Variants in SLC16A10 observed in about 807,000 individuals in gnomAD.
SLC16A10 encodes the protein solute carrier family 16 member 10.
A neutral mutation model predicts 40.0 loss-of-function variants in SLC16A10; 27 were observed. The ratio of observed to expected loss-of-function variants is 0.67; its 90% CI spans 0.50 to 0.93. The LOEUF is 0.93. Among genes scored for constraint, SLC16A10 ranks in the 40% least tolerant of loss-of-function variants. The pLI is 0.00. For missense variants in SLC16A10, 529 were observed against 658.2 expected, an observed-to-expected ratio of 0.80 and a Z score of 2.15; for synonymous variants, 213 against 249.8, an observed-to-expected ratio of 0.85 and a Z score of 1.39.
At chr6:111,159,044 G>A (rs1300577405) in intron 1 of SLC16A10, among the ~76,000 whole-genome samples, 1 of 135,536 alleles carries the variant, frequency 7.4e-6, no homozygotes, top group African/African-American at 2.9e-5. Context: ...CTCCAGTCTA[G>A]GTGGCAAAGC....
chr6:111,220,882 G>A (rs958531551), intron 5 of SLC16A10, among the ~76,000 whole-genome samples: 2 of 152,242 alleles, frequency 1.3e-5, no homozygotes, highest in African/African-American at 4.8e-5. Context: ...GGCTCACCAG[G>A]AGGCTCTGAG....
intron 1 of SLC16A10, among the ~76,000 whole-genome samples, chr6:111,101,196 A>G (rs559203509): frequency 2.5e-4 from 38 of 151,592 alleles, no homozygotes; most frequent in African/African-American, 9.2e-4. Flanking sequence ...ACACGTAACT[A>G]ATTTTTGTAT....
intron 4 of SLC16A10, among the ~76,000 whole-genome samples, chr6:111,214,318 G>T (rs1237527501): frequency 6.6e-6 from 1 of 152,196 alleles, no homozygotes; most frequent in East Asian, 1.9e-4. Context: ...GAGCTGCTGT[G>T]TTTGAGAGCA....
At chr6:111,178,532 G>A (rs911119769) in intron 3 of SLC16A10, 3 of 449,968 alleles carry the variant, frequency 6.7e-6, no homozygotes, top group African/African-American at 4.2e-5. Flanking sequence ...GCAACATAAG[G>A]AGACTTCATC....
intron 1 of SLC16A10, among the ~76,000 whole-genome samples, chr6:111,139,004 T>C (rs1004926092): frequency 6.6e-6 from 1 of 151,894 alleles, no homozygotes; most frequent in African/African-American, 2.4e-5. Flanking sequence ...ATGGTGTCCA[T>C]CAGGCTCACA....
At chr6:111,125,050 C>T (rs1771650920) in intron 1 of SLC16A10, among the ~76,000 whole-genome samples, 1 of 152,130 alleles carries the variant, frequency 6.6e-6, no homozygotes, top group Non-Finnish European at 1.5e-5. Context: ...CGGTGAAATA[C>T]AACTAGGAAA....
At chr6:111,215,077 C>A (rs1773399365) in intron 4 of SLC16A10, among the ~76,000 whole-genome samples, 1 of 151,630 alleles carries the variant, frequency 6.6e-6, no homozygotes, top group South Asian at 2.1e-4. Flanking sequence ...CGAGATCGCG[C>A]CACTGCACTC....
At chr6:111,150,947 A>G (rs762513274) in intron 1 of SLC16A10, among the ~76,000 whole-genome samples, 16 of 152,184 alleles carry the variant, frequency 1.1e-4, no homozygotes, top group Non-Finnish European at 2.1e-4. Flanking sequence ...TTTGAAATTT[A>G]TAACATCTAA....
chr6:111,190,060 C>G (rs939301985), intron 3 of SLC16A10, among the ~76,000 whole-genome samples: 1 of 152,180 alleles, frequency 6.6e-6, no homozygotes, highest in Non-Finnish European at 1.5e-5. Context: ...TCTGTGAAAT[C>G]GAAAGCAAGT....
At chr6:111,127,462 A>G (rs1771695950) in intron 1 of SLC16A10, among the ~76,000 whole-genome samples, 1 of 152,208 alleles carries the variant, frequency 6.6e-6, no homozygotes, top group African/African-American at 2.4e-5. Flanking sequence ...TTTGTAGGCC[A>G]GGGTAAAGAG....
intron 3 of SLC16A10, among the ~76,000 whole-genome samples, chr6:111,191,195 G>T (rs1284903597): frequency 2.0e-5 from 3 of 151,994 alleles, no homozygotes; most frequent in Non-Finnish European, 4.4e-5. Flanking sequence ...ACCAGCCCTG[G>T]AATGTGATGT....
At chr6:111,155,588 G>C (rs1353843211) in intron 1 of SLC16A10, among the ~76,000 whole-genome samples, 2 of 152,070 alleles carry the variant, frequency 1.3e-5, no homozygotes. Flanking sequence ...AACTTTCTGA[G>C]GTGAAAAGTA....
chr6:111,212,887 A>C (rs1163991468), intron 4 of SLC16A10, among the ~76,000 whole-genome samples: 1 of 152,180 alleles, frequency 6.6e-6, no homozygotes, highest in African/African-American at 2.4e-5. Flanking sequence ...AATAATGGTT[A>C]AAGAAAAGCT....
At chr6:111,105,570 A>G (rs1377468274) in intron 1 of SLC16A10, among the ~76,000 whole-genome samples, 4 of 152,180 alleles carry the variant, frequency 2.6e-5, no homozygotes, top group South Asian at 2.1e-4. Context: ...AGTCAGTCCT[A>G]ATTGAGATAA....
intron 3 of SLC16A10, among the ~76,000 whole-genome samples, chr6:111,198,781 G>T (rs1773120003): frequency 1.3e-5 from 2 of 152,108 alleles, no homozygotes; most frequent in South Asian, 4.1e-4. Flanking sequence ...CTGTTCATTT[G>T]CATGCACATT....
At chr6:111,170,145 A>C (rs1282272884) in intron 1 of SLC16A10, among the ~76,000 whole-genome samples, 1 of 151,616 alleles carries the variant, frequency 6.6e-6, no homozygotes, top group Non-Finnish European at 1.5e-5. Context: ...CTTGATCCTG[A>C]CCTCAGGTGA....
At chr6:111,186,845 A>C (rs1772906435) in intron 3 of SLC16A10, among the ~76,000 whole-genome samples, 1 of 152,074 alleles carries the variant, frequency 6.6e-6, no homozygotes, top group Middle Eastern at 3.2e-3. Context: ...GCTTACTTGT[A>C]ATTAGAAAGT....
intron 4 of SLC16A10, 50 bp downstream of exon 4, chr6:111,206,785 G>C (rs402940): frequency 6.3e-7 from 1 of 1,584,342 alleles, no homozygotes; most frequent in Non-Finnish European, 8.6e-7. Context: ...CTCATCACCC[G>C]ATGTCTCATT....
intron 1 of SLC16A10, among the ~76,000 whole-genome samples, chr6:111,165,456 G>T (rs1459062057): frequency 6.6e-6 from 1 of 152,118 alleles, no homozygotes; most frequent in African/African-American, 2.4e-5. Flanking sequence ...AAACATAGAG[G>T]CCTTTTAAAT....
Sources: allele counts gnomAD v4.1 joint callset (sites outside exome capture counted in the v4.1 genomes callset), GRCh38; gene constraint gnomAD v4.1.1; transcripts MANE v1.5; gene names NCBI Gene and HGNC (gene_info 2026-07-23, HGNC 2026-07-21).